Variants in NIPSNAP2 observed in about 807,000 individuals in gnomAD.
NIPSNAP2 encodes nipsnap homolog 2.
Under a neutral mutation model 48.4 loss-of-function variants are expected in NIPSNAP2, and 42 were observed. That is an observed-to-expected ratio of 0.87 (90% CI 0.68 to 1.12). The LOEUF is 1.12. Among genes scored for constraint, NIPSNAP2 ranks in the 50% most tolerant of loss-of-function variants. The pLI, the probability that NIPSNAP2 is intolerant of heterozygous loss-of-function variation, is 0.00. For missense variants in NIPSNAP2, 314 were observed against 347.3 expected (o/e 0.90, Z 0.76); for synonymous variants, 158 against 126.6 (o/e 1.25, Z -1.67).
intron 7 of NIPSNAP2, among the ~76,000 whole-genome samples, chr7:55,993,793 C>G (rs2116375336): frequency 6.6e-6 from 1 of 152,132 alleles, no homozygotes; most frequent in Non-Finnish European, 1.5e-5. Context: ...AAGTTTTAAG[C>G]CAAGTGCCTA....
At chr7:55,983,991 A>ATATGTATATG (rs1787275859) in intron 6 of NIPSNAP2, 123 bp downstream of exon 6, 2 of 675,048 alleles carry the variant, frequency 3.0e-6, no homozygotes, top group Admixed American at 3.7e-5. Context: ...ATATGTATAT[A>ATATGTATATG]TATGTATTTT....
At chr7:55,976,112 G>T (rs1787103390) in intron 1 of NIPSNAP2, among the ~76,000 whole-genome samples, 1 of 151,910 alleles carries the variant, frequency 6.6e-6, no homozygotes, top group South Asian at 2.1e-4. Context: ...ACAATGAAAA[G>T]AAAAAACCTT....
chr7:56,000,128 T>C lies in NIPSNAP2; in HGVS notation c.*1056T>C, dbSNP rs1304995834. 6.6e-6 allele frequency: 1 copy of C among 152,658 alleles called. No homozygotes were observed. Among genetic ancestry groups the C allele is most frequent in the African/African-American group, 2.4e-5 (1 of 41,470 alleles). The allele number at this position is 152,658 out of a possible 1,614,324, so 9.5% of individuals were successfully genotyped here. On this transcript the variant is annotated 3_prime_UTR_variant, in exon 10 of 10. Coordinates refer to ENST00000322090, the MANE Select transcript of NIPSNAP2 (RefSeq NM_001483.3). ...CAAATGTCAAACTTTTACATGTGAA[T>C]GATTTTCTCAAAGAACATAGAAAAG...
At chr7:55,994,568 C>T (rs1027485156) in intron 7 of NIPSNAP2, among the ~76,000 whole-genome samples, 4 of 152,022 alleles carry the variant, frequency 2.6e-5, no homozygotes, top group Non-Finnish European at 4.4e-5. Flanking sequence ...CAAAAATTAG[C>T]CGAGCATGGT....
rs1020207850 is a variant in NIPSNAP2 at position 55,999,351 on chromosome 7, G to A, written c.*279G>A. Reference sequence around the variant, plus strand: ...CCACTTCTCCCCACCCTCCAGAAGGGGTCCACGTTGAATTCTGAATCATCT... The same window carrying A: ...CCACTTCTCCCCACCCTCCAGAAGGAGTCCACGTTGAATTCTGAATCATCT... On this transcript the variant is annotated 3_prime_UTR_variant, in exon 10 of 10. Transcript: ENST00000322090. The A allele has an allele frequency of 6.8e-6, 2 of 292,428 alleles. No homozygotes were observed. The highest frequency in any genetic ancestry group is 2.2e-5 in the African/African-American group (1 of 46,082). The allele number at this position is 292,428 out of a possible 1,614,324, so 18.1% of individuals were successfully genotyped here.
At chr7:55,988,029 A>G (rs553797196) in intron 7 of NIPSNAP2, among the ~76,000 whole-genome samples, 2 of 152,260 alleles carry the variant, frequency 1.3e-5, no homozygotes, top group East Asian at 3.9e-4. Context: ...TGGGAGGCTA[A>G]GGTGGGCAGA....
At chr7:55,967,555 C>G (rs1786921646) in intron 1 of NIPSNAP2, among the ~76,000 whole-genome samples, 2 of 152,232 alleles carry the variant, frequency 1.3e-5, no homozygotes, top group South Asian at 4.2e-4. Flanking sequence ...CAGCCTTGAC[C>G]TTCCGGACTT....
intron 1 of NIPSNAP2, among the ~76,000 whole-genome samples, chr7:55,976,562 G>T (rs962706082): frequency 1.3e-5 from 2 of 152,114 alleles, no homozygotes; most frequent in African/African-American, 2.4e-5. Flanking sequence ...CTATTAGCTG[G>T]CATATGGGAG....
At chr7:55,980,567 A>T (rs916006126) in intron 3 of NIPSNAP2, 1 of 152,236 alleles carries the variant, frequency 6.6e-6, no homozygotes, top group African/African-American at 2.4e-5. Context: ...CTATTCAAAA[A>T]GTGTGCAGGT....
intron 9 of NIPSNAP2, 146 bp downstream of exon 9, chr7:55,997,595 T>A: frequency 1.7e-6 from 1 of 590,418 alleles, no homozygotes; most frequent in Admixed American, 3.1e-5. Context: ...AGATAGTCAA[T>A]TTTTCTCTAA....
chr7:55,986,188 G>A (rs1033797342), intron 7 of NIPSNAP2, among the ~76,000 whole-genome samples: 2 of 151,848 alleles, frequency 1.3e-5, no homozygotes, highest in East Asian at 2.0e-4. Flanking sequence ...GCAACATGAC[G>A]AAACCCCAAC....
intron 1 of NIPSNAP2, among the ~76,000 whole-genome samples, chr7:55,972,434 CTTTTTTT>C (rs562085477): frequency 7.3e-6 from 1 of 136,688 alleles, no homozygotes; most frequent in Non-Finnish European, 1.6e-5. Context: ...TTTTCTTTTT[CTTTTTTT>C]TTTTTTTTGA....
rs1259213219 is a variant in NIPSNAP2 at position 55,999,302 on chromosome 7, T to TC, written c.*232dup. The TC allele has an allele frequency of 1.9e-6, 1 of 538,220 alleles. No homozygotes were observed. The highest frequency in any genetic ancestry group is 2.3e-5 in the South Asian group (1 of 43,002). 33.3% of individuals were successfully genotyped at this position (538,220 alleles called of 1,614,324 possible). On this transcript the variant is annotated 3_prime_UTR_variant, in exon 10 of 10. Transcript: ENST00000322090. Reference sequence around the variant, plus strand: ...GTCCTCTTTGAAACACCCCGTGTTGTCCAGTATACCTTATAACACTGAGCC... The same window carrying TC: ...GTCCTCTTTGAAACACCCCGTGTTGTCCCAGTATACCTTATAACACTGAGCC...
chr7:55,991,412 C>T (rs1159346329), intron 7 of NIPSNAP2, among the ~76,000 whole-genome samples: 1 of 151,742 alleles, frequency 6.6e-6, no homozygotes, highest in Non-Finnish European at 1.5e-5. Context: ...ACTCGCTCGC[C>T]GTGGAATCCA....
At chr7:55,985,008 T>C (rs908322835) in intron 7 of NIPSNAP2, 130 bp downstream of exon 7, 3 of 657,006 alleles carry the variant, frequency 4.6e-6, no homozygotes, top group African/African-American at 1.9e-5. Flanking sequence ...TTTCGTTTGA[T>C]GTTTTTATTA....
At chr7:55,998,773 A>G (rs1787621220) in intron 9 of NIPSNAP2, among the ~76,000 whole-genome samples, 1 of 152,178 alleles carries the variant, frequency 6.6e-6, no homozygotes, top group South Asian at 2.1e-4. Context: ...TGCTGGGATT[A>G]CAGGTGATCT....
Position 55,985,203 on chromosome 7 carries a change from A to G in NIPSNAP2, c.617+325A>G, listed in dbSNP as rs143132631. On this transcript the variant is annotated intron_variant, in intron 7 of 9. Transcript: ENST00000322090. The stretch of plus-strand genomic sequence containing the variant: ...TCATAAATATTTCAGTACTATATAT[A>G]TTTCTAAAAGATAAGCACCTTTTTT... Among the ~76,000 whole-genome samples, 95 of 152,284 alleles carry G rather than the reference A, an allele frequency of 6.2e-4. 1 individual carries two copies. In the East Asian group the frequency reaches 0.018, roughly 28 times the overall value.
chr7:55,969,854 G>A (rs182718508), intron 1 of NIPSNAP2, among the ~76,000 whole-genome samples: 38 of 151,948 alleles, frequency 2.5e-4, no homozygotes, highest in Non-Finnish European at 4.6e-4. Flanking sequence ...GTGGTGGTGG[G>A]CGCCTGTAGT....
intron 7 of NIPSNAP2, among the ~76,000 whole-genome samples, chr7:55,990,791 C>CTTT (rs398004849): frequency 7.3e-6 from 1 of 136,704 alleles, no homozygotes; most frequent in Non-Finnish European, 1.6e-5. Flanking sequence ...TTTTCTTTTT[C>CTTT]TTTTTTTTTT....
Sources: allele counts gnomAD v4.1 joint callset (sites outside exome capture counted in the v4.1 genomes callset), GRCh38; gene constraint gnomAD v4.1.1; transcripts MANE v1.5; gene names NCBI Gene and HGNC (gene_info 2026-07-23, HGNC 2026-07-21).